SLC8A1: variants seen among roughly 807,000 people sequenced by gnomAD.
The protein encoded by SLC8A1 is sodium/calcium exchanger 1.
Under a neutral mutation model 68.3 loss-of-function variants are expected in SLC8A1, and 18 were observed. That is an observed-to-expected ratio of 0.26 (90% CI 0.18 to 0.39). The LOEUF (loss-of-function observed/expected upper bound fraction) is 0.39, where lower values mean the gene tolerates loss of function less well. SLC8A1 is among the 10% of genes least tolerant of loss of function. The pLI, the probability that SLC8A1 is intolerant of heterozygous loss-of-function variation, is 1.00. For synonymous variants in SLC8A1, 475 were observed against 415.5 expected, an observed-to-expected ratio of 1.14 and a Z score of -1.74; for missense variants, 985 against 1,156.7, an observed-to-expected ratio of 0.85 and a Z score of 2.15.
chr2:40,303,077 G>A (rs188352957), intron 2 of SLC8A1, among the ~76,000 whole-genome samples: 1 of 152,080 alleles, frequency 6.6e-6, no homozygotes, highest in Non-Finnish European at 1.5e-5. Context: ...AAAATGAATT[G>A]AATCTGTATA....
intron 2 of SLC8A1, chr2:40,254,851 T>G (rs2063624893): frequency 6.6e-6 from 1 of 152,202 alleles, no homozygotes; most frequent in African/African-American, 2.4e-5. Context: ...AATTGTAATT[T>G]TGCATATGTT....
intron 1 of SLC8A1, among the ~76,000 whole-genome samples, chr2:40,494,366 G>A (rs978424449): frequency 1.3e-5 from 2 of 151,898 alleles, no homozygotes; most frequent in East Asian, 1.9e-4. Flanking sequence ...AAACCAAATG[G>A]TGTATATGTG....
At chr2:40,234,456 T>A (rs944989097) in intron 2 of SLC8A1, among the ~76,000 whole-genome samples, 6 of 152,300 alleles carry the variant, frequency 3.9e-5, no homozygotes, top group East Asian at 3.9e-4. Context: ...TTTTGTATCC[T>A]GAGACTTTGC....
intron 2 of SLC8A1, among the ~76,000 whole-genome samples, chr2:40,388,911 C>T (rs1328888262): frequency 6.6e-6 from 1 of 152,044 alleles, no homozygotes; most frequent in African/African-American, 2.4e-5. Flanking sequence ...CTTGAGCCTG[C>T]TGTGAAATAT....
chr2:40,258,650 G>A (rs569309370), intron 2 of SLC8A1, among the ~76,000 whole-genome samples: 36 of 152,204 alleles, frequency 2.4e-4, no homozygotes, highest in African/African-American at 7.9e-4. Flanking sequence ...AGACCAGCCT[G>A]GCCAACATGG....
intron 7 of SLC8A1, among the ~76,000 whole-genome samples, chr2:40,127,779 G>A (rs1374736549): frequency 6.6e-6 from 1 of 152,134 alleles, no homozygotes; most frequent in African/African-American, 2.4e-5. Flanking sequence ...GAGCAATCGA[G>A]GGAGAGAAAA....
At chr2:40,368,553 T>G (rs933903347) in intron 2 of SLC8A1, among the ~76,000 whole-genome samples, 7 of 152,078 alleles carry the variant, frequency 4.6e-5, no homozygotes, top group Non-Finnish European at 1.0e-4. Flanking sequence ...CAGAATTATC[T>G]TCCTCTTATT....
At chr2:40,225,909 G>C (rs567314412) in intron 2 of SLC8A1, among the ~76,000 whole-genome samples, 38 of 152,268 alleles carry the variant, frequency 2.5e-4, no homozygotes, top group Admixed American at 1.6e-3. Context: ...CGTTAGAGTT[G>C]CTCTATTTAT....
At chr2:40,196,101 G>T (rs777704831) in intron 2 of SLC8A1, among the ~76,000 whole-genome samples, 3 of 151,310 alleles carry the variant, frequency 2.0e-5, no homozygotes, top group Non-Finnish European at 2.9e-5. Flanking sequence ...CTTTATGGGG[G>T]TGGGGGGAAG....
chr2:40,429,604 G>A, exon 2 of SLC8A1: 1 of 1,613,766 alleles, frequency 6.2e-7, no homozygotes, highest in Non-Finnish European at 8.5e-7. Flanking sequence ...AACACCAGGA[G>A]ATATGACAGA....
At chr2:40,490,114 T>C (rs1284797797) in intron 1 of SLC8A1, among the ~76,000 whole-genome samples, 2 of 152,118 alleles carry the variant, frequency 1.3e-5, no homozygotes, top group Non-Finnish European at 2.9e-5. Context: ...ATGAAACTAG[T>C]GAAATTGCGT....
chr2:40,318,799 C>T (rs1293108274), intron 2 of SLC8A1, among the ~76,000 whole-genome samples: 1 of 152,080 alleles, frequency 6.6e-6, no homozygotes, highest in Non-Finnish European at 1.5e-5. Context: ...CAGACGAAAG[C>T]CTACCAGCTA....
intron 2 of SLC8A1, among the ~76,000 whole-genome samples, chr2:40,202,019 C>G (rs944735697): frequency 1.3e-5 from 2 of 151,906 alleles, no homozygotes; most frequent in African/African-American, 4.8e-5. Context: ...GGTGTGTGTA[C>G]ACATGCTGGT....
At chr2:40,153,906 C>G (rs1245536845) in intron 6 of SLC8A1, among the ~76,000 whole-genome samples, 1 of 152,216 alleles carries the variant, frequency 6.6e-6, no homozygotes, top group African/African-American at 2.4e-5. Context: ...TTTCCAAACC[C>G]TTACCTTCCC....
intron 2 of SLC8A1, among the ~76,000 whole-genome samples, chr2:40,336,394 C>A (rs1019604783): frequency 1.3e-5 from 2 of 152,172 alleles, no homozygotes; most frequent in African/African-American, 4.8e-5. Context: ...CTCTTGTCTG[C>A]AATTCATCAT....
At chr2:40,413,423 T>TA (rs569759116) in intron 2 of SLC8A1, among the ~76,000 whole-genome samples, 1 of 152,052 alleles carries the variant, frequency 6.6e-6, no homozygotes, top group East Asian at 1.9e-4. Context: ...TATGCAGCCA[T>TA]AAAAAAATGA....
chr2:40,178,311 C>G (rs2048846762), intron 2 of SLC8A1, 76 bp downstream of exon 3: 2 of 1,066,812 alleles, frequency 1.9e-6, no homozygotes, highest in Admixed American at 3.4e-5. Flanking sequence ...AAGTCATGTT[C>G]TGAAGAGTGC....
At chr2:40,503,857 T>G (rs1034342093) in intron 1 of SLC8A1, among the ~76,000 whole-genome samples, 1 of 151,968 alleles carries the variant, frequency 6.6e-6, no homozygotes, top group African/African-American at 2.4e-5. Flanking sequence ...GAAGAACCAA[T>G]ATTGTTAAAA....
chr2:40,399,882 A>G (rs371366012), intron 2 of SLC8A1, among the ~76,000 whole-genome samples: 134 of 152,334 alleles, frequency 8.8e-4, no homozygotes, highest in African/African-American at 3.2e-3. Context: ...ACTAAAAGGC[A>G]GAAATGAAAT....
Sources: allele counts gnomAD v4.1 joint callset (sites outside exome capture counted in the v4.1 genomes callset), GRCh38; gene constraint gnomAD v4.1.1; transcripts MANE v1.5; gene names NCBI Gene and HGNC (gene_info 2026-07-23, HGNC 2026-07-21).